The following ZFAND6 variants were observed in gnomAD, a reference collection of about 807,000 sequenced individuals.
The protein encoded by ZFAND6 is AN1-type zinc finger protein 6.
In ZFAND6, 12 loss-of-function variants were observed where a neutral mutation model predicts 24.5. The ratio of observed to expected loss-of-function variants is 0.49; its 90% CI spans 0.31 to 0.79. The LOEUF (loss-of-function observed/expected upper bound fraction) is 0.79, where lower values mean the gene tolerates loss of function less well. Among genes scored for constraint, ZFAND6 ranks in the 30% least tolerant of loss-of-function variants. The pLI is 0.04. For synonymous variants in ZFAND6, 92 were observed against 81.5 expected (o/e 1.13, Z -0.69); for missense variants, 207 against 245.9 (o/e 0.84, Z 1.06).
intron 2 of ZFAND6, among the ~76,000 whole-genome samples, chr15:80,099,605 G>T (rs932507015): frequency 2.8e-5 from 4 of 144,394 alleles, no homozygotes; most frequent in Non-Finnish European, 6.0e-5. Context: ...AATACACACT[G>T]AATATGGATA....
intron 1 of ZFAND6, 98 bp downstream of exon 1, chr15:80,059,907 C>T (rs905896694): frequency 1.3e-5 from 2 of 151,154 alleles, no homozygotes; most frequent in African/African-American, 4.8e-5. Flanking sequence ...AGGCCCGCCC[C>T]CGGCCCCTCC....
intron 1 of ZFAND6, among the ~76,000 whole-genome samples, chr15:80,062,204 G>T (rs1233604435): frequency 6.6e-6 from 1 of 152,140 alleles, no homozygotes; most frequent in Non-Finnish European, 1.5e-5. Context: ...TCATGTAAAA[G>T]AAACTTGTCC....
In ZFAND6 at chr15:80,120,375, C is replaced by G; in HGVS notation, c.31C>G (p.Pro11Ala). The G allele has an allele frequency of 6.3e-7, 1 of 1,597,044 alleles. No homozygotes were observed. The highest frequency in any genetic ancestry group is 8.6e-7 in the Non-Finnish European group (1 of 1,169,552). MAQETNHSQV[P>A]MLCSTGCGFY... ...TCAAGAAACTAATCACAGCCAAGTGCCTATGCTTTGTTCCACTGGCTGTGG... is the reference window on the plus strand; with the variant it reads ...TCAAGAAACTAATCACAGCCAAGTGGCTATGCTTTGTTCCACTGGCTGTGG... The change falls in exon 3 of 7, where the codon CCT (proline) becomes GCT (alanine). Residue 11 changes from proline (P) to alanine (A), a missense_variant. By Grantham distance (27) the Pro-to-Ala change is conservative. Transcript: ENST00000261749.
At chr15:80,135,231 TTATTA>T (rs1419528795) in intron 6 of ZFAND6, among the ~76,000 whole-genome samples, 1 of 152,232 alleles carries the variant, frequency 6.6e-6, no homozygotes, top group Non-Finnish European at 1.5e-5. Context: ...CTAGCTTACT[TTATTA>T]TAAGAATACA....
chr15:80,089,292 A>C (rs2038203775), intron 1 of ZFAND6, among the ~76,000 whole-genome samples: 2 of 112,780 alleles, frequency 1.8e-5, no homozygotes, highest in African/African-American at 3.5e-5. Flanking sequence ...TTTGAGACAG[A>C]GTCTCTGTCA....
At chr15:80,102,159 T>C (rs1449366364) in intron 2 of ZFAND6, among the ~76,000 whole-genome samples, 4 of 152,000 alleles carry the variant, frequency 2.6e-5, no homozygotes, top group African/African-American at 9.7e-5. Flanking sequence ...TTTTTCATTT[T>C]TATTTTTGAG....
At chr15:80,099,663 G>A (rs1365110154) in intron 2 of ZFAND6, among the ~76,000 whole-genome samples, 2 of 131,616 alleles carry the variant, frequency 1.5e-5, no homozygotes, top group Non-Finnish European at 3.1e-5. Context: ...TGTCGCCCAG[G>A]CTGGAGGCAG....
chr15:80,096,044 C>T (rs993497034), intron 1 of ZFAND6, among the ~76,000 whole-genome samples: 4 of 152,116 alleles, frequency 2.6e-5, no homozygotes, highest in Admixed American at 2.0e-4. Flanking sequence ...TCAAGAGCAC[C>T]AGGTTTTGGA....
Position 80,101,791 on chromosome 15 carries a change from G to GTTT in ZFAND6, c.-18+3230_-18+3232dup, listed in dbSNP as rs750632508. ...ATTTTCTCTGGGTTTTATGTAAAGT[G>GTTT]TTTTTTTTTTTTTTTTTTTGAGACG... On this transcript the variant is annotated intron_variant, in intron 2 of 6. Transcript: ENST00000261749. Among the ~76,000 whole-genome samples the GTTT allele has an allele frequency of 4.8e-3, 594 of 123,068 alleles. 9 individuals are homozygous for GTTT. The highest frequency in any genetic ancestry group is 0.017 in the African/African-American group (551 of 32,354). The allele number at this position is 123,068 out of a possible 152,430, so 80.7% of individuals were successfully genotyped here. A position where few individuals can be genotyped will look rare whatever the true frequency, so the allele number is the denominator to read the frequency against.
chr15:80,137,451 C>T, intron 6 of ZFAND6, 29 bp from the exon 7 acceptor site: 1 of 1,581,642 alleles, frequency 6.3e-7, no homozygotes, highest in Non-Finnish European at 8.5e-7. Context: ...CATCCTTCAA[C>T]TCATGTATGT....
intron 1 of ZFAND6, among the ~76,000 whole-genome samples, chr15:80,087,199 A>G (rs1008168000): frequency 2.0e-5 from 3 of 152,164 alleles, no homozygotes; most frequent in Admixed American, 1.3e-4. Flanking sequence ...AGGTCTTAGG[A>G]TAATTGCATG....
chr15:80,137,041 T>C lies in ZFAND6; in HGVS notation c.479-439T>C, dbSNP rs193180101. Among the ~76,000 whole-genome samples, 203 of 152,368 alleles carry C rather than the reference T, an allele frequency of 1.3e-3. 3 individuals carry two copies. The highest frequency in any genetic ancestry group is 6.8e-3 in the Middle Eastern group (2 of 294). On this transcript the variant is annotated intron_variant, in intron 6 of 6. Transcript: ENST00000261749. ...TACAGTTCACATCTCCATGGGAGGT[T>C]AGCAGAGAAAAGCAAATATCGAAGC... is the stretch of plus-strand genomic sequence containing the variant.
chr15:80,118,030 GTGTGTA>G (rs1567088459), intron 2 of ZFAND6, among the ~76,000 whole-genome samples: 1 of 151,636 alleles, frequency 6.6e-6, no homozygotes, highest in African/African-American at 2.4e-5. Context: ...GTGTGTGTGT[GTGTGTA>G]TATGTATGTA....
chr15:80,066,622 A>C (rs1199458007), intron 1 of ZFAND6, among the ~76,000 whole-genome samples: 1 of 152,046 alleles, frequency 6.6e-6, no homozygotes, highest in Non-Finnish European at 1.5e-5. Context: ...CGAAATGACT[A>C]AGTTTTTTTG....
At chr15:80,107,576 G>C (rs2039397627) in intron 2 of ZFAND6, among the ~76,000 whole-genome samples, 1 of 152,092 alleles carries the variant, frequency 6.6e-6, no homozygotes, top group Admixed American at 6.5e-5. Context: ...TGTAATCCCA[G>C]CTCTTTGGGA....
chr15:80,088,319 A>C (rs2038129580), intron 1 of ZFAND6, among the ~76,000 whole-genome samples: 1 of 152,148 alleles, frequency 6.6e-6, no homozygotes, highest in African/African-American at 2.4e-5. Context: ...CTGTAATCCC[A>C]GCACTTTTAG....
At chr15:80,103,207 CGT>C (rs1446280646) in intron 2 of ZFAND6, among the ~76,000 whole-genome samples, 1 of 152,184 alleles carries the variant, frequency 6.6e-6, no homozygotes, top group African/African-American at 2.4e-5. Flanking sequence ...TACAAAGGAA[CGT>C]GTGTGAGAAT....
intron 1 of ZFAND6, among the ~76,000 whole-genome samples, chr15:80,092,734 A>G (rs1046547663): frequency 6.6e-6 from 1 of 152,170 alleles, no homozygotes; most frequent in Non-Finnish European, 1.5e-5. Context: ...ACACACTATA[A>G]TACCAATAGA....
intron 2 of ZFAND6, among the ~76,000 whole-genome samples, chr15:80,106,544 ACT>A (rs1423768155): frequency 2.0e-5 from 3 of 151,422 alleles, no homozygotes; most frequent in East Asian, 1.9e-4. Context: ...TGGGAATATA[ACT>A]CTGAAAAAAC....
Sources: gnomAD v4.1 joint callset for allele counts (sites outside exome capture counted in the v4.1 genomes callset) on GRCh38, gnomAD v4.1.1 for gene constraint, MANE v1.5 for transcripts, NCBI Gene and HGNC (gene_info 2026-07-23, HGNC 2026-07-21) for gene names.